Variants in FRK observed in about 807,000 individuals in gnomAD.
FRK encodes the protein tyrosine-protein kinase FRK.
A neutral mutation model predicts 56.4 loss-of-function variants in FRK; 51 were observed. The observed-to-expected ratio is 0.90, with a 90% CI of 0.72 to 1.14. The LOEUF (loss-of-function observed/expected upper bound fraction) is 1.14, where lower values mean the gene tolerates loss of function less well. Among genes scored for constraint, FRK ranks in the 50% most tolerant of loss-of-function variants. The pLI, the probability that FRK is intolerant of heterozygous loss-of-function variation, is 0.00. For synonymous variants in FRK, 245 were observed against 217.9 expected (o/e 1.12, Z -1.10); for missense variants, 570 against 601.4 (o/e 0.95, Z 0.55).
At position 116,028,001 on chromosome 6, in the gene FRK, T is replaced by C. The variant is rs992219864; in HGVS notation, c.345-24003A>G. ...CATTAAAATGCTCATAATAAGTGCC[T>C]ATATGGTAGGTAGAAACTGACTCCT... On this transcript the variant is annotated intron_variant, in intron 1 of 7. Coordinates refer to ENST00000606080, the MANE Select transcript of FRK (RefSeq NM_002031.3). 2.6e-5 allele frequency among the ~76,000 whole-genome samples: 4 copies of C among 152,160 alleles called. No individual in the cohort carries two copies. In the South Asian group the frequency reaches 8.3e-4, roughly 32 times the overall value.
At chr6:116,093,902 TG>T in the FRK span, among the ~76,000 whole-genome samples, 1 of 152,164 alleles carries the variant, frequency 6.6e-6, no homozygotes, top group Non-Finnish European at 1.5e-5. Context: ...AAGTGAGCCC[TG>T]GGCCCTGAAC....
the FRK span, among the ~76,000 whole-genome samples, chr6:116,093,861 CCAAT>C: frequency 1.3e-5 from 2 of 152,102 alleles, no homozygotes; most frequent in African/African-American, 2.4e-5. Flanking sequence ...AGTTTATTAC[CCAAT>C]CAGCCACAGA....
At chr6:116,065,060 C>T (rs978114773), upstream of FRK, among the ~76,000 whole-genome samples, 8 of 152,266 alleles carry the variant, frequency 5.3e-5, no homozygotes, top group South Asian at 1.7e-3. Context: ...CCTCCTTAGA[C>T]CTTCCTTAAC....
At chr6:115,993,548 T>C (rs1774703485) in intron 2 of FRK, among the ~76,000 whole-genome samples, 1 of 151,828 alleles carries the variant, frequency 6.6e-6, no homozygotes, top group Non-Finnish European at 1.5e-5. Context: ...TAAACATTAA[T>C]ATAAAAGAGG....
intron 2 of FRK, among the ~76,000 whole-genome samples, chr6:115,997,335 A>G (rs1340570816): frequency 6.6e-6 from 1 of 152,100 alleles, no homozygotes; most frequent in African/African-American, 2.4e-5. Flanking sequence ...ACAAACTACT[A>G]TTATAAAAGT....
chr6:115,941,829 C>T lies in FRK; in HGVS notation c.*585G>A. 1 of 152,716 alleles carries T rather than the reference C, an allele frequency of 6.5e-6. No individual in the cohort carries two copies. 9.5% of individuals were successfully genotyped at this position (152,716 alleles called of 1,614,324 possible). On this transcript the variant is annotated 3_prime_UTR_variant, in exon 8 of 8. Transcript: ENST00000606080. ...AAAGACTTCGTTTTCTCAACAGCTG[C>T]ATCATTTTTTTATGCATAGAAAAAA...
Position 115,956,510 on chromosome 6 carries a change from A to G in FRK, c.900T>C (p.Asp300=). ...TCAACTCTGTAATAATATAAATTGG[A>G]TCTTCTAAAGTGCAAACAGCATAAA... The part of the protein sequence containing the change: ...IQLYAVCTLE[D]PIYIITELMR... The change falls in exon 5 of 8, where the codon GAT becomes GAC. Residue 300 remains aspartate, a synonymous_variant. Coordinates refer to ENST00000606080, the MANE Select transcript of FRK (RefSeq NM_002031.3). 6.3e-7 allele frequency: 1 copy of G among 1,586,164 alleles called. No homozygotes were observed.
Position 115,955,058 on chromosome 6 carries a change from G to A in FRK, c.958+1394C>T, listed in dbSNP as rs114367424. Reference sequence around the variant, plus strand: ...GTTGGGTATGATTCTCAAGTAAAGGGGGAATAAAATTTGGAGAATTGTCAG... The same window carrying A: ...GTTGGGTATGATTCTCAAGTAAAGGAGGAATAAAATTTGGAGAATTGTCAG... On this transcript the variant is annotated intron_variant, in intron 5 of 7. Transcript: ENST00000606080. Among the ~76,000 whole-genome samples, 1,120 of 152,172 alleles carry A rather than the reference G, an allele frequency of 7.4e-3. 16 individuals are homozygous for A. The highest frequency in any genetic ancestry group is 0.025 in the African/African-American group (1,058 of 41,510).
rs914778978 is a variant in FRK, at chr6:115,931,289, A to T, written c.*11125T>A. 9 of 152,220 alleles carry T rather than the reference A, an allele frequency of 5.9e-5. No individual in the cohort carries two copies. Among genetic ancestry groups the T allele is most frequent in the East Asian group, 3.8e-4 (2 of 5,198 alleles). The allele number at this position is 152,220 out of a possible 1,614,324, so 9.4% of individuals were successfully genotyped here. The stretch of plus-strand genomic sequence containing the variant: ...TCCAGTGTGAATAAAAATAGAATAC[A>T]TAGGGCAAAATATAATTTCAAGAAA... On this transcript the variant is annotated 3_prime_UTR_variant, in exon 8 of 8. Transcript: ENST00000606080.
rs540772040 is a variant in FRK, at chr6:115,937,704, T to A, written c.*4710A>T. 1 of 151,692 alleles carries A rather than the reference T, an allele frequency of 6.6e-6. No homozygotes were observed. The highest frequency in any genetic ancestry group is 1.5e-5 in the Non-Finnish European group (1 of 67,912). 9.4% of individuals were successfully genotyped at this position (151,692 alleles called of 1,614,324 possible). A position where few individuals can be genotyped will look rare whatever the true frequency, so the allele number is the denominator to read the frequency against. The stretch of plus-strand genomic sequence containing the variant: ...AGTCTCTGATAAAACAGACTTTAAA[T>A]CAACAAAGATCAAAAGAGACAAAGA... On this transcript the variant is annotated 3_prime_UTR_variant, in exon 8 of 8. Coordinates refer to ENST00000606080, the MANE Select transcript of FRK (RefSeq NM_002031.3).
chr6:116,084,961 A>G, the FRK span, among the ~76,000 whole-genome samples: 1 of 152,310 alleles, frequency 6.6e-6, no homozygotes, highest in South Asian at 2.1e-4. Context: ...TTTAGATACC[A>G]GTGGCCTCTA....
In FRK at chr6:115,968,795, A is replaced by G. The variant is rs1019347320; in HGVS notation, c.467-56T>C. 2.0e-6 allele frequency: 3 copies of G among 1,497,152 alleles called. No individual in the cohort carries two copies. The Admixed American group carries it at 5.5e-5, about 27-fold the overall frequency. The allele number at this position is 1,497,152 out of a possible 1,614,324, so 92.7% of individuals were successfully genotyped here. A position where few individuals can be genotyped will look rare whatever the true frequency, so the allele number is the denominator to read the frequency against. On this transcript the variant is annotated intron_variant, in intron 2 of 7. Coordinates refer to ENST00000606080, the MANE Select transcript of FRK (RefSeq NM_002031.3). ...CTTCTTGCTAAAACCAAGCAGATTT[A>G]TTTACTTTGTGGTGACATTTTCAAT...
rs1204679171 is a variant in FRK at position 115,958,768 on chromosome 6, A to AGG, written c.800-2160_800-2159dup. Among the ~76,000 whole-genome samples the AGG allele has an allele frequency of 5.7e-4, 46 of 80,762 alleles. 1 individual carries two copies. The highest frequency in any genetic ancestry group is 5.7e-4 in the Admixed American group (4 of 7,056). The allele number at this position is 80,762 out of a possible 152,430, so 53.0% of individuals were successfully genotyped here. A position where few individuals can be genotyped will look rare whatever the true frequency, so the allele number is the denominator to read the frequency against. ...GAAAGAAAGAAAGAAAGAAAGAAAG[A>AGG]GGGGGGGGAAGGAGAGAGAGAAAGA... On this transcript the variant is annotated intron_variant, in intron 4 of 7. Transcript: ENST00000606080.
intron 2 of FRK, among the ~76,000 whole-genome samples, chr6:115,973,935 A>C (rs1582667462): frequency 6.6e-6 from 1 of 151,986 alleles, no homozygotes; most frequent in East Asian, 1.9e-4. Flanking sequence ...GTTAGTCCCA[A>C]TTCATTTCTC....
the FRK span, among the ~76,000 whole-genome samples, chr6:116,070,960 C>T: frequency 6.6e-6 from 1 of 152,028 alleles, no homozygotes; most frequent in Non-Finnish European, 1.5e-5. Context: ...ACTTTAATAA[C>T]TAAGTTCATA....
chr6:115,987,172 C>T (rs1245237127), intron 2 of FRK, among the ~76,000 whole-genome samples: 2 of 151,980 alleles, frequency 1.3e-5, no homozygotes, highest in Non-Finnish European at 2.9e-5. Flanking sequence ...CGCTATGTGC[C>T]AGGCTATGTT....
intron 2 of FRK, among the ~76,000 whole-genome samples, chr6:115,984,355 C>T (rs957410519): frequency 9.2e-5 from 14 of 152,024 alleles, no homozygotes; most frequent in Non-Finnish European, 1.3e-4. Flanking sequence ...GTATGTCAAA[C>T]ATGGTGCCAA....
At chr6:116,064,979 C>T (rs181191658), upstream of FRK, among the ~76,000 whole-genome samples, 124 of 152,294 alleles carry the variant, frequency 8.1e-4, no homozygotes, top group African/African-American at 2.9e-3. Flanking sequence ...ATTCCTTCCA[C>T]TGCTAACTTC....
the FRK span, among the ~76,000 whole-genome samples, chr6:116,079,511 C>A: frequency 6.6e-5 from 10 of 151,484 alleles, no homozygotes; most frequent in African/African-American, 2.4e-4. Context: ...TTAGTTGTGT[C>A]TTTTAATAAA....
Sources: gnomAD v4.1 joint callset for allele counts (sites outside exome capture counted in the v4.1 genomes callset) on GRCh38, gnomAD v4.1.1 for gene constraint, MANE v1.5 for transcripts, NCBI Gene and HGNC (gene_info 2026-07-23, HGNC 2026-07-21) for gene names.